Variants in MYCBP2 observed in about 807,000 individuals in gnomAD.
MYCBP2 encodes MYC binding protein 2.
Under a neutral mutation model 525.3 loss-of-function variants are expected in MYCBP2, and 120 were observed. That is an observed-to-expected ratio of 0.23 (90% CI 0.20 to 0.27). The LOEUF (loss-of-function observed/expected upper bound fraction) is 0.27. MYCBP2 is among the 10% of genes least tolerant of loss of function. The probability of loss-of-function intolerance (pLI) is 1.00; values close to 1 mark genes in which losing one functional copy is unlikely to be tolerated. For synonymous variants in MYCBP2, 1,894 were observed against 1,955.8 expected (o/e 0.97, Z 0.83); for missense variants, 4,149 against 5,657.1 (o/e 0.73, Z 8.55).
At chr13:77,274,968 C>T (rs929979324) in intron 4 of MYCBP2, among the ~76,000 whole-genome samples, 5 of 151,908 alleles carry the variant, frequency 3.3e-5, no homozygotes, top group Admixed American at 2.6e-4. Flanking sequence ...CCTTCCTTCC[C>T]TCCATCCTTT....
intron 12 of MYCBP2, 151 bp downstream of exon 12, chr13:77,261,020 T>C: frequency 1.7e-6 from 1 of 598,314 alleles, no homozygotes; most frequent in Non-Finnish European, 2.8e-6. Flanking sequence ...ATTCAATATG[T>C]ATTTATTAAG....
chr13:77,167,025 A>ACACACACCCC (rs1555376500), intron 40 of MYCBP2, among the ~76,000 whole-genome samples: 8 of 113,008 alleles, frequency 7.1e-5, no homozygotes, highest in Non-Finnish European at 1.4e-4. Flanking sequence ...ACACACACAC[A>ACACACACCCC]CCAAATGAAA....
At chr13:77,323,557 T>C (rs2154384121) in intron 1 of MYCBP2, among the ~76,000 whole-genome samples, 1 of 152,342 alleles carries the variant, frequency 6.6e-6, no homozygotes, top group East Asian at 1.9e-4. Flanking sequence ...AATTGCCCTA[T>C]CACATGAAAT....
At chr13:77,137,701 G>T (rs1424913257) in intron 52 of MYCBP2, among the ~76,000 whole-genome samples, 1 of 152,028 alleles carries the variant, frequency 6.6e-6, no homozygotes, top group Non-Finnish European at 1.5e-5. Flanking sequence ...CGATTCTCCC[G>T]CTTCAGCCTC....
At chr13:77,063,725 T>C (rs934161583) in intron 73 of MYCBP2, among the ~76,000 whole-genome samples, 6 of 152,062 alleles carry the variant, frequency 3.9e-5, no homozygotes, top group East Asian at 1.9e-4. Flanking sequence ...GTGAGTGTTA[T>C]TGGATACAGA....
rs1394818071 is a variant in MYCBP2, at chr13:77,225,526, A to C, written c.2766T>G (p.Asp922Glu). The C allele has an allele frequency of 1.9e-6, 3 of 1,613,670 alleles. No homozygotes were observed. In the South Asian group the frequency reaches 3.3e-5, roughly 18 times the overall value. Reference sequence around the variant, plus strand: ...GAGGGTATGTTGTGATTTTGCTTGCATCCTTTTCGCCTCTTTCTCCACTTC... The same window carrying C: ...GAGGGTATGTTGTGATTTTGCTTGCCTCCTTTTCGCCTCTTTCTCCACTTC... ...KDGSGERGEKDASKITTYPPG... is the reference protein window; with the variant it reads ...KDGSGERGEKEASKITTYPPG... Residue 922 changes from aspartate to glutamate, a missense_variant, in exon 19 of 83, where the codon GAT becomes GAG. Physicochemically the swap from Asp to Glu is conservative, Grantham distance 45 (BLOSUM62 2). Coordinates refer to ENST00000544440, the MANE Select transcript of MYCBP2 (RefSeq NM_015057.5).
intron 82 of MYCBP2, among the ~76,000 whole-genome samples, chr13:77,048,305 T>C (rs2036014916): frequency 1.3e-5 from 2 of 152,180 alleles, no homozygotes; most frequent in Admixed American, 1.3e-4. Context: ...TCCTAGATCT[T>C]AGACTTCCTG....
intron 23 of MYCBP2, among the ~76,000 whole-genome samples, chr13:77,210,037 C>T (rs754319108): frequency 2.0e-5 from 3 of 152,154 alleles, no homozygotes; most frequent in Non-Finnish European, 4.4e-5. Flanking sequence ...TTACTGGAAT[C>T]TTGCCTACTA....
intron 36 of MYCBP2, among the ~76,000 whole-genome samples, chr13:77,176,179 G>A (rs2059689011): frequency 6.6e-6 from 1 of 151,876 alleles, no homozygotes; most frequent in African/African-American, 2.4e-5. Context: ...CCAATCTACA[G>A]ATAAGTCTCA....
In MYCBP2 at chr13:77,158,950, A is replaced by T. The variant is rs761247881; in HGVS notation, c.6598-841T>A. On this transcript the variant is annotated intron_variant, in intron 44 of 82. Coordinates refer to ENST00000544440, the MANE Select transcript of MYCBP2 (RefSeq NM_015057.5). Reference sequence around the variant, plus strand: ...ATAAAACAAATTTTAGGTTTCACCTATCTGACAAGCAAGTCTTATGTTTTT... The same window carrying T: ...ATAAAACAAATTTTAGGTTTCACCTTTCTGACAAGCAAGTCTTATGTTTTT... Among the ~76,000 whole-genome samples the T allele has an allele frequency of 5.3e-5, 8 of 152,364 alleles. No individual in the cohort carries two copies. The South Asian group carries it at 8.3e-4, about 16-fold the overall frequency.
intron 2 of MYCBP2, among the ~76,000 whole-genome samples, chr13:77,291,628 G>A (rs1053718312): frequency 3.9e-5 from 6 of 152,270 alleles, no homozygotes; most frequent in Middle Eastern, 3.4e-3. Flanking sequence ...TTAGCCGGGC[G>A]TGGCGGTGCA....
At chr13:77,106,423 G>T (rs1304207923) in intron 55 of MYCBP2, among the ~76,000 whole-genome samples, 1 of 152,054 alleles carries the variant, frequency 6.6e-6, no homozygotes, top group Non-Finnish European at 1.5e-5. Context: ...TTGTAAACAG[G>T]CTATTCAGAA....
At chr13:77,057,619 TA>T (rs2038378486) in intron 78 of MYCBP2, among the ~76,000 whole-genome samples, 3 of 152,302 alleles carry the variant, frequency 2.0e-5, no homozygotes, top group African/African-American at 7.2e-5. Context: ...GAGCCTTAGC[TA>T]CTGGGGGATA....
At chr13:77,223,881 T>A (rs2065911815) in intron 20 of MYCBP2, among the ~76,000 whole-genome samples, 1 of 152,042 alleles carries the variant, frequency 6.6e-6, no homozygotes, top group Non-Finnish European at 1.5e-5. Context: ...AATCTTTAGC[T>A]GCACGATCAT....
chr13:77,159,722 TAAG>T (rs1253375372), intron 44 of MYCBP2, among the ~76,000 whole-genome samples: 2 of 152,136 alleles, frequency 1.3e-5, no homozygotes, highest in Admixed American at 1.3e-4. Context: ...GCCATGATTG[TAAG>T]TTTCCTGAGG....
chr13:77,279,182 G>A (rs2075935489), intron 3 of MYCBP2, among the ~76,000 whole-genome samples: 1 of 152,102 alleles, frequency 6.6e-6, no homozygotes, highest in Admixed American at 6.5e-5. Context: ...CATGTTAATT[G>A]TTACCTATAA....
chr13:77,139,400 C>T (rs2054243901), intron 51 of MYCBP2, 64 bp from the exon 52 acceptor site: 1 of 1,525,092 alleles, frequency 6.6e-7, no homozygotes, highest in East Asian at 2.3e-5. Flanking sequence ...CTAGCAAGGT[C>T]TGAAAGTCTG....
rs2058518954 is a variant in MYCBP2 at position 77,166,373 on chromosome 13, A to C, written c.6296T>G (p.Phe2099Cys). The change falls in exon 41 of 83, where the codon TTT becomes TGT. Residue 2099 changes from phenylalanine (F) to cysteine (C), a missense_variant. Around this residue, in one of 21 missense-constraint regions of MYCBP2, gnomAD observed 692 missense variants for 852.7 expected, o/e 0.81. Coordinates refer to ENST00000544440, the MANE Select transcript of MYCBP2 (RefSeq NM_015057.5). ...NLNSWIELKK[F>C]SGSSGWPTMV... ...AGTAGGCCACCCAGAGGATCCTGAA[A>C]ATTTCTTTAATTCTATCCATGAATT... 4.3e-6 allele frequency: 7 copies of C among 1,613,852 alleles called. No individual in the cohort carries two copies. Among genetic ancestry groups the C allele is most frequent in the African/African-American group, 1.3e-5 (1 of 74,922 alleles).
chr13:77,211,816 T>C, intron 22 of MYCBP2, 140 bp downstream of exon 22: 2 of 687,212 alleles, frequency 2.9e-6, no homozygotes, highest in Non-Finnish European at 4.8e-6. Context: ...CGGAGACATT[T>C]ACAGGCTTTG....
Sources: allele counts gnomAD v4.1 joint callset (sites outside exome capture counted in the v4.1 genomes callset), GRCh38; gene constraint gnomAD v4.1.1; regional missense constraint gnomAD v4.1.1; transcripts MANE v1.5; gene names NCBI Gene and HGNC (gene_info 2026-07-23, HGNC 2026-07-21).